HLCS: variants seen among roughly 807,000 people sequenced by gnomAD.
The protein encoded by HLCS is holocarboxylase synthetase, also known as biotin--protein ligase.
Under a neutral mutation model 75.0 loss-of-function variants are expected in HLCS, and 53 were observed. That is an observed-to-expected ratio of 0.71 (90% CI 0.57 to 0.89). The LOEUF (loss-of-function observed/expected upper bound fraction) is 0.89, where lower values mean the gene tolerates loss of function less well. HLCS is among the 40% of genes least tolerant of loss of function. The pLI is 0.00. For synonymous variants in HLCS, 431 were observed against 428.6 expected, an observed-to-expected ratio of 1.01 and a Z score of -0.07; for missense variants, 966 against 1,074.0, an observed-to-expected ratio of 0.90 and a Z score of 1.41.
chr21:36,966,489 C>A lies in HLCS; in HGVS notation c.150G>T (p.Val50=), dbSNP rs982231940. Residue 50 remains valine, a synonymous_variant, in exon 1 of 11, where the codon GTG becomes GTT. Transcript: ENST00000674895. ...GAAAQPPGAR[V]CLSRGGRVFC... ...AGACGCGGCCGCCACGGCTCAGGCA[C>A]ACGCGGGCGCCCGGGGGCTGCGCGG... is the stretch of plus-strand genomic sequence containing the variant. The A allele has an allele frequency of 4.0e-5, 39 of 985,660 alleles. No homozygotes were observed. Among genetic ancestry groups the A allele is most frequent in the Non-Finnish European group, 6.0e-6 (5 of 830,984 alleles). 61.1% of individuals were successfully genotyped at this position (985,660 alleles called of 1,614,324 possible). A position where few individuals can be genotyped will look rare whatever the true frequency, so the allele number is the denominator to read the frequency against.
chr21:36,873,529 C>T lies in HLCS; in HGVS notation c.1892+23331G>A, dbSNP rs184764821. On this transcript the variant is annotated intron_variant, in intron 6 of 10. Coordinates refer to ENST00000674895, the MANE Select transcript of HLCS (RefSeq NM_001352514.2). ...AGAAGTTCTTTGTATATGTCAGATA[C>T]GAGTCCTTTGTCAGACATATGTTTT... Among the ~76,000 whole-genome samples, 582 of 152,314 alleles carry T rather than the reference C, an allele frequency of 3.8e-3. 3 individuals are homozygous for T. The highest frequency in any genetic ancestry group is 5.8e-3 in the Non-Finnish European group (394 of 68,028).
intron 1 of HLCS, among the ~76,000 whole-genome samples, chr21:36,984,707 A>C (rs896881520): frequency 6.6e-6 from 1 of 152,226 alleles, no homozygotes; most frequent in Non-Finnish European, 1.5e-5. Flanking sequence ...TACAATGTAC[A>C]TGATCAGGGG....
At chr21:36,874,697 T>G (rs1050324989) in intron 6 of HLCS, among the ~76,000 whole-genome samples, 7 of 152,238 alleles carry the variant, frequency 4.6e-5, no homozygotes, top group African/African-American at 1.4e-4. Context: ...GGACACCAGC[T>G]GCAATGGGGG....
At chr21:36,897,669 A>C (rs1379400670) in intron 5 of HLCS, among the ~76,000 whole-genome samples, 1 of 152,216 alleles carries the variant, frequency 6.6e-6, no homozygotes, top group Non-Finnish European at 1.5e-5. Context: ...CCAACAAAGA[A>C]GACAATAATC....
At chr21:36,824,144 T>C (rs917642865) in intron 6 of HLCS, among the ~76,000 whole-genome samples, 3 of 152,200 alleles carry the variant, frequency 2.0e-5, no homozygotes, top group Admixed American at 1.3e-4. Context: ...TGCACACATA[T>C]GTTTATTGCA....
At chr21:36,881,006 T>C (rs1396149023) in intron 6 of HLCS, among the ~76,000 whole-genome samples, 1 of 152,104 alleles carries the variant, frequency 6.6e-6, no homozygotes, top group Non-Finnish European at 1.5e-5. Flanking sequence ...AGAGTCTCAC[T>C]GTCACCCAGG....
At chr21:36,875,947 C>T (rs897312555) in intron 6 of HLCS, among the ~76,000 whole-genome samples, 2 of 152,196 alleles carry the variant, frequency 1.3e-5, no homozygotes, top group East Asian at 3.9e-4. Flanking sequence ...TTCTGGATGC[C>T]ACCACATTCC....
intron 6 of HLCS, among the ~76,000 whole-genome samples, chr21:36,873,806 G>A (rs1485577637): frequency 6.6e-6 from 1 of 152,118 alleles, no homozygotes; most frequent in Non-Finnish European, 1.5e-5. Context: ...TCACTATGTT[G>A]CCCAGGCTGG....
chr21:36,809,569 C>T (rs1264296272), intron 6 of HLCS, among the ~76,000 whole-genome samples: 2 of 152,106 alleles, frequency 1.3e-5, no homozygotes, highest in African/African-American at 4.8e-5. Context: ...CATTTTCCCC[C>T]TCTCTGCCTT....
At chr21:36,906,060 A>AC (rs1003373383) in intron 5 of HLCS, among the ~76,000 whole-genome samples, 17 of 151,554 alleles carry the variant, frequency 1.1e-4, no homozygotes, top group African/African-American at 2.7e-4. Flanking sequence ...AAAAAAAAAA[A>AC]AAAACAAAAC....
At chr21:36,792,029 GACAGGA>G (rs2060882357) in intron 6 of HLCS, among the ~76,000 whole-genome samples, 1 of 152,132 alleles carries the variant, frequency 6.6e-6, no homozygotes, top group African/African-American at 2.4e-5. Flanking sequence ...CAGCCACACA[GACAGGA>G]ACAAGCGAGC....
intron 6 of HLCS, among the ~76,000 whole-genome samples, chr21:36,879,931 A>AG (rs2064139470): frequency 6.8e-6 from 1 of 146,412 alleles, no homozygotes; most frequent in Non-Finnish European, 1.5e-5. Context: ...AAAAAAAAAA[A>AG]GAGCTCAGTA....
chr21:36,757,729 C>A (rs2850104), intron 9 of HLCS, among the ~76,000 whole-genome samples: 52,606 of 152,118 alleles, frequency 0.35, 11,428 homozygotes, highest in East Asian at 0.62. Flanking sequence ...TATTAAAATA[C>A]AAAGCAATTG....
At chr21:36,805,848 A>G (rs1273591387) in intron 6 of HLCS, among the ~76,000 whole-genome samples, 1 of 152,224 alleles carries the variant, frequency 6.6e-6, no homozygotes, top group Non-Finnish European at 1.5e-5. Flanking sequence ...AGGAGTTAAA[A>G]GAATAAAGAG....
At chr21:36,945,193 G>A (rs936000545) in intron 2 of HLCS, among the ~76,000 whole-genome samples, 27 of 151,850 alleles carry the variant, frequency 1.8e-4, no homozygotes, top group African/African-American at 5.3e-4. Context: ...TCTACTGTAC[G>A]TCATGGTGAC....
rs1204364636 is a variant in HLCS at position 36,754,054 on chromosome 21, CATCT to C, written c.*188_*191del. On this transcript the variant is annotated 3_prime_UTR_variant, in exon 11 of 11. Coordinates refer to ENST00000674895, the MANE Select transcript of HLCS (RefSeq NM_001352514.2). The stretch of plus-strand genomic sequence containing the variant: ...TAAACTAAATTTTCTACTTCTTAAC[CATCT>C]ATCCCAGAGCCTCTTCAAACACCAA... 1.5e-6 allele frequency: 1 copy of C among 653,060 alleles called. No homozygotes were observed. The highest frequency in any genetic ancestry group is 1.8e-5 in the African/African-American group (1 of 54,944). 40.5% of individuals were successfully genotyped at this position (653,060 alleles called of 1,614,324 possible).
intron 1 of HLCS, among the ~76,000 whole-genome samples, chr21:36,978,430 G>T (rs1183098161): frequency 4.0e-5 from 6 of 151,788 alleles, no homozygotes; most frequent in Non-Finnish European, 5.9e-5. Context: ...GGAAACAGAG[G>T]TTGCAGTGAG....
chr21:36,863,601 G>C (rs1031591507), intron 6 of HLCS, among the ~76,000 whole-genome samples: 2 of 152,178 alleles, frequency 1.3e-5, no homozygotes, highest in African/African-American at 4.8e-5. Context: ...TTTTGAGAAA[G>C]GAAGGAACGT....
intron 5 of HLCS, among the ~76,000 whole-genome samples, chr21:36,923,872 G>C (rs1204309130): frequency 6.6e-6 from 1 of 152,194 alleles, no homozygotes; most frequent in Admixed American, 6.5e-5. Flanking sequence ...CAGCGTAGGT[G>C]AAGGGCGAAG....
Sources: allele counts gnomAD v4.1 joint callset (sites outside exome capture counted in the v4.1 genomes callset), GRCh38; gene constraint gnomAD v4.1.1; transcripts MANE v1.5; gene names NCBI Gene and HGNC (gene_info 2026-07-23, HGNC 2026-07-21).